LIPC: variants seen among roughly 807,000 people sequenced by gnomAD.
LIPC encodes hepatic triacylglycerol lipase.
LIPC carries 44 observed loss-of-function variants against 50.7 expected under a neutral mutation model. That is an observed-to-expected ratio of 0.87 (90% CI 0.68 to 1.11). LIPC has a LOEUF of 1.11. Among genes scored for constraint, LIPC ranks in the 50% most tolerant of loss-of-function variants. The pLI, the probability that LIPC is intolerant of heterozygous loss-of-function variation, is 0.00. For synonymous variants in LIPC, 271 were observed against 256.4 expected, an observed-to-expected ratio of 1.06 and a Z score of -0.54; for missense variants, 697 against 648.2, an observed-to-expected ratio of 1.08 and a Z score of -0.82.
chr15:58,500,618 C>G (rs935698116), intron 1 of LIPC, among the ~76,000 whole-genome samples: 61 of 152,142 alleles, frequency 4.0e-4, no homozygotes, highest in Non-Finnish European at 1.5e-5. Context: ...TGACTGTTTT[C>G]ATATGTGCTG....
At chr15:58,485,576 T>C (rs1891346806) in intron 1 of LIPC, among the ~76,000 whole-genome samples, 1 of 146,496 alleles carries the variant, frequency 6.8e-6, no homozygotes, top group Non-Finnish European at 1.5e-5. Context: ...TACTGTAAGA[T>C]TCAGCTTGAA....
chr15:58,514,624 G>A (rs1001505933), intron 1 of LIPC, among the ~76,000 whole-genome samples: 11 of 152,146 alleles, frequency 7.2e-5, no homozygotes, highest in African/African-American at 2.7e-4. Flanking sequence ...AGGAGTTTGA[G>A]ACCAGCCTGG....
At chr15:58,477,542 G>A (rs1464230028) in intron 1 of LIPC, among the ~76,000 whole-genome samples, 16 of 152,112 alleles carry the variant, frequency 1.1e-4, no homozygotes, top group African/African-American at 3.9e-4. Context: ...CATTTTAAAG[G>A]GTACAAAACA....
At chr15:58,533,777 T>C (rs1345710975) in intron 1 of LIPC, among the ~76,000 whole-genome samples, 1 of 152,194 alleles carries the variant, frequency 6.6e-6, no homozygotes, top group Non-Finnish European at 1.5e-5. Flanking sequence ...ATACTCCAAA[T>C]GTTATTTGTG....
chr15:58,475,391 C>G (rs1325797012), intron 1 of LIPC, among the ~76,000 whole-genome samples: 8 of 152,228 alleles, frequency 5.3e-5, no homozygotes, highest in Admixed American at 5.2e-4. Context: ...GCCACCCAGG[C>G]CCTTCACCAT....
intron 6 of LIPC, among the ~76,000 whole-genome samples, chr15:58,555,609 G>A (rs939107259): frequency 2.0e-5 from 3 of 152,206 alleles, no homozygotes; most frequent in Non-Finnish European, 4.4e-5. Flanking sequence ...AATTAACACT[G>A]TGTCGGTCTA....
chr15:58,559,949 G>A (rs953115831), intron 6 of LIPC, among the ~76,000 whole-genome samples: 1 of 152,200 alleles, frequency 6.6e-6, no homozygotes, highest in Non-Finnish European at 1.5e-5. Context: ...CACAGATGCT[G>A]CTATTTGACC....
intron 1 of LIPC, among the ~76,000 whole-genome samples, chr15:58,442,937 G>A (rs1238126188): frequency 6.6e-6 from 1 of 152,172 alleles, no homozygotes; most frequent in Non-Finnish European, 1.5e-5. Context: ...TGGTTTTTCT[G>A]AGTCTCGCTC....
intron 1 of LIPC, among the ~76,000 whole-genome samples, chr15:58,442,065 G>A (rs1482296910): frequency 6.6e-6 from 1 of 152,172 alleles, no homozygotes; most frequent in African/African-American, 2.4e-5. Context: ...GAATGCGTTT[G>A]AGGTCTCTTA....
At chr15:58,480,115 A>G (rs748273256) in intron 1 of LIPC, among the ~76,000 whole-genome samples, 2 of 152,198 alleles carry the variant, frequency 1.3e-5, no homozygotes, top group Non-Finnish European at 2.9e-5. Context: ...GTTCCCCACC[A>G]GTAACATTCA....
intron 1 of LIPC, among the ~76,000 whole-genome samples, chr15:58,433,611 T>C (rs1259067202): frequency 1.3e-5 from 2 of 152,222 alleles, no homozygotes; most frequent in Admixed American, 6.5e-5. Context: ...CTACTGTGGA[T>C]TGGCCAGGAC....
At chr15:58,462,519 A>C (rs1370406857) in intron 1 of LIPC, among the ~76,000 whole-genome samples, 1 of 152,164 alleles carries the variant, frequency 6.6e-6, no homozygotes, top group Non-Finnish European at 1.5e-5. Context: ...ATACTCACAC[A>C]TACATTCTTT....
rs77585950 is a variant in LIPC, at chr15:58,474,633, G to A, written c.88+42513G>A. On this transcript the variant is annotated intron_variant, in intron 1 of 8. Transcript: ENST00000299022. The stretch of plus-strand genomic sequence containing the variant: ...GGAAACAAGGTCTCCCCTACGTTGA[G>A]CCCAAATCAGTTTGACCTTGGGGAA... 3.0e-3 allele frequency among the ~76,000 whole-genome samples: 461 copies of A among 152,262 alleles called. 3 individuals are homozygous for A. Among genetic ancestry groups the A allele is most frequent in the Non-Finnish European group, 5.4e-3 (368 of 68,028 alleles).
At chr15:58,489,217 C>CGGGGG (rs59532809) in intron 1 of LIPC, among the ~76,000 whole-genome samples, 30 of 16,410 alleles carry the variant, frequency 1.8e-3, no homozygotes, top group Middle Eastern at 0.022. Flanking sequence ...CATTTTGTTG[C>CGGGGG]GGGGGCGGGG....
chr15:58,543,639 ATT>A (rs1269517459), intron 4 of LIPC, among the ~76,000 whole-genome samples: 1 of 151,358 alleles, frequency 6.6e-6, no homozygotes, highest in African/African-American at 2.4e-5. Context: ...AAGTGAGGAC[ATT>A]TTTTTTTCTT....
At chr15:58,468,445 C>G (rs6494011) in intron 1 of LIPC, among the ~76,000 whole-genome samples, 17,414 of 152,126 alleles carry the variant, frequency 0.11, 1,218 homozygotes, top group Non-Finnish European at 0.17. Flanking sequence ...TGGGTTTTAG[C>G]AAGATCTCCA....
At chr15:58,564,377 C>T (rs911341553) in intron 8 of LIPC, among the ~76,000 whole-genome samples, 8 of 152,044 alleles carry the variant, frequency 5.3e-5, no homozygotes, top group African/African-American at 1.9e-4. Context: ...GATTTAACAT[C>T]TCCCGTGGCC....
intron 8 of LIPC, chr15:58,565,085 G>C: frequency 9.9e-7 from 1 of 1,009,364 alleles, no homozygotes; most frequent in Non-Finnish European, 1.5e-6. Context: ...GTATGCCCCT[G>C]AGTCCCTTTA....
intron 1 of LIPC, chr15:58,494,630 CCCTGACCCA>C: frequency 2.6e-6 from 1 of 386,244 alleles, no homozygotes; most frequent in Non-Finnish European, 5.2e-6. Flanking sequence ...GAGCTAACAG[CCCTGACCCA>C]CCTGTATCAA....
Sources: gnomAD v4.1 joint callset for allele counts (sites outside exome capture counted in the v4.1 genomes callset) on GRCh38, gnomAD v4.1.1 for gene constraint, MANE v1.5 for transcripts, NCBI Gene and HGNC (gene_info 2026-07-23, HGNC 2026-07-21) for gene names.